Variants in TAS2R1 observed in about 807,000 individuals in gnomAD.
TAS2R1 encodes the protein taste 2 receptor member 1.
For synonymous variants in TAS2R1, 141 were observed against 134.2 expected (o/e 1.05, Z -0.35); for missense variants, 370 against 353.4 (o/e 1.05, Z -0.38).
At chr5:9,646,963 T>C (rs1356980255) in intron 2 of TAS2R1, among the ~76,000 whole-genome samples, 3 of 152,180 alleles carry the variant, frequency 2.0e-5, no homozygotes, top group East Asian at 3.9e-4. Context: ...ATGCAAACTA[T>C]GTAATATTTG....
chr5:9,684,841 T>A (rs966458659), intron 1 of TAS2R1, among the ~76,000 whole-genome samples: 2 of 150,362 alleles, frequency 1.3e-5, no homozygotes, highest in Non-Finnish European at 3.0e-5. Flanking sequence ...ACAATGATTA[T>A]GTATCAACTA....
intron 2 of TAS2R1, among the ~76,000 whole-genome samples, chr5:9,650,699 G>A (rs994226795): frequency 3.3e-5 from 5 of 152,132 alleles, no homozygotes; most frequent in African/African-American, 7.2e-5. Flanking sequence ...GACTTGGTCC[G>A]ATTATCACAC....
the TAS2R1 span, among the ~76,000 whole-genome samples, chr5:9,742,345 T>C: frequency 2.6e-5 from 4 of 152,160 alleles, no homozygotes; most frequent in Non-Finnish European, 5.9e-5. Flanking sequence ...AACTTATCAC[T>C]ACATCCCTGC....
At chr5:9,795,199 A>G in the TAS2R1 span, among the ~76,000 whole-genome samples, 1 of 152,222 alleles carries the variant, frequency 6.6e-6, no homozygotes, top group Admixed American at 6.5e-5. Flanking sequence ...AGCGTTTTCT[A>G]CAAAGCAACC....
chr5:9,874,060 G>A, the TAS2R1 span, among the ~76,000 whole-genome samples: 1 of 152,178 alleles, frequency 6.6e-6, no homozygotes, highest in East Asian at 1.9e-4. Flanking sequence ...GTACTACATG[G>A]AGTGAGTTGG....
chr5:9,851,332 G>C, the TAS2R1 span, among the ~76,000 whole-genome samples: 473 of 152,286 alleles, frequency 3.1e-3, 4 homozygotes, highest in African/African-American at 0.011. Flanking sequence ...ACAGTGGTGG[G>C]AGCAGCCAAC....
At chr5:9,845,863 A>G in the TAS2R1 span, among the ~76,000 whole-genome samples, 1 of 152,260 alleles carries the variant, frequency 6.6e-6, no homozygotes, top group Non-Finnish European at 1.5e-5. Context: ...TTGTGAAATA[A>G]AGATGCACAT....
the TAS2R1 span, among the ~76,000 whole-genome samples, chr5:9,879,253 T>C: frequency 6.6e-6 from 1 of 152,270 alleles, no homozygotes; most frequent in African/African-American, 2.4e-5. Flanking sequence ...AGTTCTGGGA[T>C]GAACCATATT....
the TAS2R1 span, among the ~76,000 whole-genome samples, chr5:9,899,924 G>A: frequency 1.3e-5 from 2 of 152,226 alleles, no homozygotes; most frequent in South Asian, 2.1e-4. Context: ...CAATCGATTT[G>A]GTTGTTCCCA....
chr5:9,633,266 AGTGT>A (rs141170591), upstream of TAS2R1, among the ~76,000 whole-genome samples: 14 of 121,892 alleles, frequency 1.1e-4, no homozygotes, highest in South Asian at 7.5e-4. Flanking sequence ...AGTATTCCAT[AGTGT>A]GTGTGTGTGT....
At chr5:9,826,739 T>C in the TAS2R1 span, among the ~76,000 whole-genome samples, 1 of 152,304 alleles carries the variant, frequency 6.6e-6, no homozygotes, top group African/African-American at 2.4e-5. Context: ...GAAAACAAAT[T>C]TAGGGACACA....
the TAS2R1 span, among the ~76,000 whole-genome samples, chr5:9,832,467 C>T: frequency 6.6e-6 from 1 of 152,104 alleles, no homozygotes; most frequent in Non-Finnish European, 1.5e-5. Context: ...GTGGACCTTT[C>T]CGCCATCTTC....
At chr5:9,750,721 T>C in the TAS2R1 span, among the ~76,000 whole-genome samples, 1 of 152,172 alleles carries the variant, frequency 6.6e-6, no homozygotes, top group Non-Finnish European at 1.5e-5. Flanking sequence ...CCAAAAGCAG[T>C]GATCAAGTAC....
At chr5:9,834,122 T>C in the TAS2R1 span, among the ~76,000 whole-genome samples, 1 of 152,282 alleles carries the variant, frequency 6.6e-6, no homozygotes, top group Admixed American at 6.5e-5. Flanking sequence ...GTAAGGTCCC[T>C]GGCTGTAGGG....
At chr5:9,815,676 C>T in the TAS2R1 span, among the ~76,000 whole-genome samples, 1 of 147,768 alleles carries the variant, frequency 6.8e-6, no homozygotes, top group Non-Finnish European at 1.5e-5. Context: ...AATTCTGATC[C>T]CTGACCAAAA....
chr5:9,727,363 G>A, the TAS2R1 span, among the ~76,000 whole-genome samples: 3 of 152,222 alleles, frequency 2.0e-5, no homozygotes, highest in Admixed American at 6.5e-5. Flanking sequence ...AACACTTTTC[G>A]GAGTTAACTG....
chr5:9,812,849 T>C, the TAS2R1 span, among the ~76,000 whole-genome samples: 1 of 152,050 alleles, frequency 6.6e-6, no homozygotes, highest in East Asian at 1.9e-4. Flanking sequence ...TTCTCTTCAG[T>C]TTTAGTTGGT....
At chr5:9,812,588 A>G in the TAS2R1 span, among the ~76,000 whole-genome samples, 1 of 152,168 alleles carries the variant, frequency 6.6e-6, no homozygotes, top group Non-Finnish European at 1.5e-5. Flanking sequence ...ACAGAACCCC[A>G]CAGAAAACTA....
the TAS2R1 span, among the ~76,000 whole-genome samples, chr5:9,901,668 CAGAA>C: frequency 2.0e-5 from 3 of 152,032 alleles, no homozygotes; most frequent in African/African-American, 7.2e-5. Flanking sequence ...GGGGAAAAGA[CAGAA>C]AGTAAGGCAC....
Sources: allele counts gnomAD v4.1 joint callset (sites outside exome capture counted in the v4.1 genomes callset), GRCh38; gene constraint gnomAD v4.1.1; transcripts MANE v1.5; gene names NCBI Gene and HGNC (gene_info 2026-07-23, HGNC 2026-07-21).